Variants in DPP10 observed in about 807,000 individuals in gnomAD.
DPP10 encodes dipeptidyl peptidase like 10.
Under a neutral mutation model 120.9 loss-of-function variants are expected in DPP10, and 33 were observed. The observed-to-expected ratio is 0.27, with a 90% CI of 0.21 to 0.37. The LOEUF (loss-of-function observed/expected upper bound fraction) is 0.37, where lower values mean the gene tolerates loss of function less well. DPP10 is among the 10% of genes least tolerant of loss of function. The pLI is 1.00. For synonymous variants in DPP10, 337 were observed against 326.1 expected (o/e 1.03, Z -0.36); for missense variants, 816 against 942.8 (o/e 0.87, Z 1.76).
At chr2:115,374,324 G>A (rs1387244721) in intron 3 of DPP10, among the ~76,000 whole-genome samples, 1 of 152,136 alleles carries the variant, frequency 6.6e-6, no homozygotes, top group Non-Finnish European at 1.5e-5. Context: ...TTGATTCCAT[G>A]TCTCACATCC....
chr2:115,702,125 A>G (rs1425611112), intron 7 of DPP10, among the ~76,000 whole-genome samples: 1 of 151,994 alleles, frequency 6.6e-6, no homozygotes, highest in Non-Finnish European at 1.5e-5. Context: ...TAGTGACACA[A>G]TGACCTTGAG....
intron 1 of DPP10, among the ~76,000 whole-genome samples, chr2:114,690,975 G>A (rs1465162278): frequency 6.6e-6 from 1 of 151,994 alleles, no homozygotes; most frequent in Non-Finnish European, 1.5e-5. Flanking sequence ...GGGCTGAGAT[G>A]AGGAGGTATT....
rs151294836 is a variant in DPP10, at chr2:114,638,098, C to A, written c.60+195260C>A. 3.4e-4 allele frequency among the ~76,000 whole-genome samples: 52 copies of A among 151,844 alleles called. 2 individuals are homozygous for A. In the East Asian group the frequency reaches 8.1e-3, roughly 24 times the overall value. ...GCAGTATGGCCATTTTAATAATATT[C>A]TTCTAATCAATGAGCATGGAATGTT... On this transcript the variant is annotated intron_variant, in intron 1 of 25. Coordinates refer to ENST00000410059, the MANE Select transcript of DPP10 (RefSeq NM_020868.6).
chr2:114,704,667 G>A (rs1030639608), intron 1 of DPP10, among the ~76,000 whole-genome samples: 3 of 152,144 alleles, frequency 2.0e-5, no homozygotes, highest in East Asian at 1.9e-4. Context: ...TTTTAGGTAA[G>A]TGTGTACAGG....
intron 1 of DPP10, among the ~76,000 whole-genome samples, chr2:114,505,569 A>C (rs1477584931): frequency 6.6e-6 from 1 of 152,130 alleles, no homozygotes; most frequent in East Asian, 1.9e-4. Context: ...CAATATGCCC[A>C]AATAGCATAT....
intron 1 of DPP10, among the ~76,000 whole-genome samples, chr2:114,975,760 C>T (rs1257521609): frequency 1.3e-5 from 2 of 152,150 alleles, no homozygotes; most frequent in South Asian, 2.1e-4. Context: ...AAGCAATTCT[C>T]CTGCCTCAGC....
intron 19 of DPP10, among the ~76,000 whole-genome samples, chr2:115,808,136 G>A (rs920244877): frequency 6.6e-6 from 1 of 152,194 alleles, no homozygotes; most frequent in African/African-American, 2.4e-5. Flanking sequence ...GATACACGCT[G>A]AGCAGCATAT....
chr2:115,057,287 A>C (rs1573454861), intron 1 of DPP10, among the ~76,000 whole-genome samples: 1 of 152,196 alleles, frequency 6.6e-6, no homozygotes, highest in South Asian at 2.1e-4. Flanking sequence ...AGGTAGAAAT[A>C]GTAGAGTTTT....
chr2:115,181,308 T>C (rs1436888260), intron 1 of DPP10, among the ~76,000 whole-genome samples: 1 of 152,226 alleles, frequency 6.6e-6, no homozygotes, highest in East Asian at 1.9e-4. Context: ...ATCATATCAC[T>C]CCCTTATTCG....
At chr2:114,875,957 T>C (rs754498795) in intron 1 of DPP10, among the ~76,000 whole-genome samples, 2 of 152,180 alleles carry the variant, frequency 1.3e-5, no homozygotes, top group Non-Finnish European at 2.9e-5. Flanking sequence ...CATTCCAATA[T>C]ATTTCTGTAC....
chr2:115,672,665 T>TC (rs1491346744), intron 5 of DPP10, among the ~76,000 whole-genome samples: 3 of 137,494 alleles, frequency 2.2e-5, no homozygotes, highest in Admixed American at 7.1e-5. Flanking sequence ...TCTTTCTTTC[T>TC]TTCTCTCTTT....
intron 5 of DPP10, among the ~76,000 whole-genome samples, chr2:115,531,374 G>A (rs1480512442): frequency 6.6e-6 from 1 of 151,948 alleles, no homozygotes; most frequent in Non-Finnish European, 1.5e-5. Flanking sequence ...CTGCAAGAGC[G>A]CTACCTAAGA....
At chr2:114,637,962 A>G (rs1382914909) in intron 1 of DPP10, among the ~76,000 whole-genome samples, 1 of 151,874 alleles carries the variant, frequency 6.6e-6, no homozygotes, top group Non-Finnish European at 1.5e-5. Context: ...TACTTTGGCT[A>G]TTCAGGTTCC....
At chr2:114,930,599 T>A (rs1349280258) in intron 1 of DPP10, among the ~76,000 whole-genome samples, 1 of 152,224 alleles carries the variant, frequency 6.6e-6, no homozygotes, top group African/African-American at 2.4e-5. Context: ...TCTATCAGAA[T>A]TTTCATCACA....
In DPP10 at chr2:114,837,950, A is replaced by C. The variant is rs140220617; in HGVS notation, c.60+395112A>C. 3.5e-3 allele frequency among the ~76,000 whole-genome samples: 535 copies of C among 152,350 alleles called. 15 individuals carry two copies. Among genetic ancestry groups the C allele is most frequent in the Admixed American group, 0.032 (483 of 15,308 alleles). On this transcript the variant is annotated intron_variant, in intron 1 of 25. Coordinates refer to ENST00000410059, the MANE Select transcript of DPP10 (RefSeq NM_020868.6). The stretch of plus-strand genomic sequence containing the variant: ...AGAATAAGCTATGCTGTGGAAGAAA[A>C]TAAATGCTAAAATTTCACTGGCATA...
At chr2:115,475,905 C>T (rs1427751270) in intron 3 of DPP10, among the ~76,000 whole-genome samples, 2 of 152,224 alleles carry the variant, frequency 1.3e-5, no homozygotes, top group Non-Finnish European at 2.9e-5. Flanking sequence ...AATATTTACC[C>T]AATGCCTATA....
chr2:114,900,528 A>G (rs994938226), intron 1 of DPP10, among the ~76,000 whole-genome samples: 4 of 152,152 alleles, frequency 2.6e-5, no homozygotes, highest in African/African-American at 9.7e-5. Flanking sequence ...GCAGCTTTGA[A>G]GTCTTTGCTC....
chr2:115,543,396 C>G (rs2079294425), intron 5 of DPP10, among the ~76,000 whole-genome samples: 1 of 152,052 alleles, frequency 6.6e-6, no homozygotes, highest in Non-Finnish European at 1.5e-5. Flanking sequence ...TAATCAAAGA[C>G]TGAATTGAAC....
At chr2:115,294,248 T>C (rs1201312925) in intron 1 of DPP10, among the ~76,000 whole-genome samples, 1 of 152,054 alleles carries the variant, frequency 6.6e-6, no homozygotes, top group Non-Finnish European at 1.5e-5. Flanking sequence ...TGGGCATGCA[T>C]TTAACTAGTA....
Sources: allele counts gnomAD v4.1 joint callset (sites outside exome capture counted in the v4.1 genomes callset), GRCh38; gene constraint gnomAD v4.1.1; transcripts MANE v1.5; gene names NCBI Gene and HGNC (gene_info 2026-07-23, HGNC 2026-07-21).